Variants in FMN2 observed in about 807,000 individuals in gnomAD.
FMN2 encodes formin 2.
A neutral mutation model predicts 142.3 loss-of-function variants in FMN2; 51 were observed. That is an observed-to-expected ratio of 0.36 (90% CI 0.29 to 0.45). The LOEUF is 0.45. Among genes scored for constraint, FMN2 ranks in the 20% least tolerant of loss-of-function variants. The pLI is 1.00. For missense variants in FMN2, 1,936 were observed against 2,122.8 expected (o/e 0.91, Z 1.73); for synonymous variants, 882 against 869.8 (o/e 1.01, Z -0.25).
At chr1:240,384,442 C>T (rs975426408) in intron 14 of FMN2, among the ~76,000 whole-genome samples, 1 of 152,142 alleles carries the variant, frequency 6.6e-6, no homozygotes, top group Non-Finnish European at 1.5e-5. Flanking sequence ...CAGCTCTTTT[C>T]CATTGTATTT....
intron 3 of FMN2, among the ~76,000 whole-genome samples, chr1:240,181,373 C>A (rs1379874974): frequency 6.6e-6 from 1 of 152,218 alleles, no homozygotes; most frequent in African/African-American, 2.4e-5. Context: ...GGTACTCTGT[C>A]TTCTGCCTTT....
chr1:240,261,406 T>C (rs899880332), intron 7 of FMN2, among the ~76,000 whole-genome samples: 1 of 152,100 alleles, frequency 6.6e-6, no homozygotes, highest in Non-Finnish European at 1.5e-5. Flanking sequence ...TTTTTTTTTT[T>C]ACCACCAGCA....
Position 240,092,458 on chromosome 1 carries a change from A to C in FMN2, c.349A>C (p.Lys117Gln), listed in dbSNP as rs751490605. ...ELDSAHSLLT[K>Q]TPDLSLSADE... ...GGACAGCGCTCACTCCCTGCTCACC[A>C]AGACTCCAGACCTCAGCCTCTCGGC... Residue 117 changes from lysine to glutamine, a missense_variant, in exon 1 of 18, where the codon AAG becomes CAG. This residue lies in a region of FMN2 where 751 missense variants were observed against 791.8 expected (regional missense o/e 0.95). Transcript: ENST00000319653. 6.2e-7 allele frequency: 1 copy of C among 1,609,786 alleles called. No homozygotes were observed. The highest frequency in any genetic ancestry group is 1.1e-5 in the South Asian group (1 of 90,446).
intron 6 of FMN2, among the ~76,000 whole-genome samples, chr1:240,237,465 T>A (rs1430551822): frequency 1.3e-5 from 2 of 152,220 alleles, no homozygotes; most frequent in African/African-American, 4.8e-5. Flanking sequence ...CTGTTATGCA[T>A]TTTGTTTACT....
intron 6 of FMN2, among the ~76,000 whole-genome samples, chr1:240,220,859 C>T (rs559032252): frequency 6.6e-6 from 1 of 152,176 alleles, no homozygotes; most frequent in East Asian, 1.9e-4. Context: ...AATGCTATCC[C>T]TCCTCCAGCC....
intron 14 of FMN2, among the ~76,000 whole-genome samples, chr1:240,370,884 A>G (rs1341771481): frequency 1.3e-5 from 2 of 152,190 alleles, no homozygotes; most frequent in African/African-American, 4.8e-5. Context: ...ATTAAAATTT[A>G]TGTTTAAAAT....
At chr1:240,128,610 G>A (rs181960317) in intron 2 of FMN2, among the ~76,000 whole-genome samples, 1 of 152,284 alleles carries the variant, frequency 6.6e-6, no homozygotes, top group Non-Finnish European at 1.5e-5. Flanking sequence ...AGATGGGCAA[G>A]AGCTCCTTGA....
At chr1:240,334,391 G>C (rs2103019553) in intron 13 of FMN2, among the ~76,000 whole-genome samples, 162 bp downstream of exon 13, 1 of 152,178 alleles carries the variant, frequency 6.6e-6, no homozygotes, top group African/African-American at 2.4e-5. Context: ...CTTATTCTTT[G>C]GTTGTTTAAA....
intron 10 of FMN2, among the ~76,000 whole-genome samples, chr1:240,330,127 G>T (rs1275704783): frequency 6.6e-6 from 1 of 152,122 alleles, no homozygotes; most frequent in Non-Finnish European, 1.5e-5. Context: ...AGCTCTTTGG[G>T]GGTAAACCTA....
At chr1:240,409,989 A>T (rs1198448714) in intron 15 of FMN2, among the ~76,000 whole-genome samples, 1 of 152,174 alleles carries the variant, frequency 6.6e-6, no homozygotes, top group Non-Finnish European at 1.5e-5. Context: ...TCTTTTGACC[A>T]AAAAAGCTAG....
At chr1:240,451,123 T>C (rs1297030026) in intron 16 of FMN2, among the ~76,000 whole-genome samples, 1 of 152,068 alleles carries the variant, frequency 6.6e-6, no homozygotes, top group Non-Finnish European at 1.5e-5. Context: ...ATCCTAGTGC[T>C]TTGGGAGGCC....
intron 2 of FMN2, among the ~76,000 whole-genome samples, chr1:240,139,169 G>A (rs1663075624): frequency 6.6e-6 from 1 of 152,184 alleles, no homozygotes; most frequent in Admixed American, 6.6e-5. Context: ...AAGCCTTGGG[G>A]ATTTGGTTGC....
chr1:240,145,470 G>T (rs1663408082), intron 2 of FMN2: 1 of 236,516 alleles, frequency 4.2e-6, no homozygotes, highest in Non-Finnish European at 7.7e-6. Flanking sequence ...CTTTAGTATT[G>T]TATTTGACAT....
chr1:240,272,843 G>A (rs533947893), intron 7 of FMN2, among the ~76,000 whole-genome samples: 9 of 152,198 alleles, frequency 5.9e-5, no homozygotes, highest in South Asian at 2.1e-4. Flanking sequence ...TGAATACAGC[G>A]AGATCTTTAT....
intron 15 of FMN2, among the ~76,000 whole-genome samples, chr1:240,415,416 A>T (rs183220197): frequency 6.6e-6 from 1 of 152,204 alleles, no homozygotes; most frequent in Non-Finnish European, 1.5e-5. Context: ...GGATAGCATT[A>T]GGAGAAATAC....
chr1:240,241,634 G>A (rs184518218), intron 6 of FMN2, among the ~76,000 whole-genome samples: 5 of 152,122 alleles, frequency 3.3e-5, no homozygotes, highest in Admixed American at 6.5e-5. Context: ...TGATTTATGC[G>A]TGTCACGCTG....
Position 240,417,773 on chromosome 1 carries a change from G to A in FMN2, c.4911-20288G>A, listed in dbSNP as rs1674625641. Among the ~76,000 whole-genome samples, 4 of 152,034 alleles carry A rather than the reference G, an allele frequency of 2.6e-5. 1 individual carries two copies. In the South Asian group the frequency reaches 8.3e-4, roughly 31 times the overall value. ...TGACCTGCTAAATAAGTGAAATACA[G>A]CATATTTTAAAATAAAATTTATTTA... On this transcript the variant is annotated intron_variant, in intron 15 of 17. Transcript: ENST00000319653.
intron 15 of FMN2, among the ~76,000 whole-genome samples, chr1:240,398,437 C>G (rs1449800586): frequency 6.6e-6 from 1 of 152,010 alleles, no homozygotes; most frequent in South Asian, 2.1e-4. Flanking sequence ...AGGTCAAAGG[C>G]CTGAAATTAT....
intron 6 of FMN2, among the ~76,000 whole-genome samples, chr1:240,233,635 G>T (rs1667602236): frequency 6.6e-6 from 1 of 152,198 alleles, no homozygotes; most frequent in East Asian, 1.9e-4. Flanking sequence ...ACAAAGAATA[G>T]GACCACCTCA....
Sources: gnomAD v4.1 joint callset for allele counts (sites outside exome capture counted in the v4.1 genomes callset) on GRCh38, gnomAD v4.1.1 for gene constraint, gnomAD v4.1.1 regional missense constraint, MANE v1.5 for transcripts, NCBI Gene and HGNC (gene_info 2026-07-23, HGNC 2026-07-21) for gene names.